The following PCDHGC3 variants were observed in gnomAD, a reference collection of about 807,000 sequenced individuals.
PCDHGC3 encodes protocadherin gamma-C3.
PCDHGC3 carries 26 observed loss-of-function variants against 59.2 expected under a neutral mutation model. The ratio of observed to expected loss-of-function variants is 0.44; its 90% CI spans 0.32 to 0.61. PCDHGC3 has a LOEUF of 0.61. Ranked by LOEUF, PCDHGC3 falls within the 20% of genes least tolerant of loss-of-function variation. PCDHGC3 has a pLI of 0.05. For synonymous variants in PCDHGC3, 487 were observed against 519.7 expected (o/e 0.94, Z 0.86); for missense variants, 1,080 against 1,221.8 (o/e 0.88, Z 1.73).
intron 2 of PCDHGC3, among the ~76,000 whole-genome samples, chr5:141,495,663 G>T (rs756466649): frequency 6.6e-6 from 1 of 152,050 alleles, no homozygotes; most frequent in African/African-American, 2.4e-5. Context: ...GATCTGTGCC[G>T]CCCACTGTGC....
In PCDHGC3 at chr5:141,489,126, T is replaced by C; in HGVS notation, c.2431-5681T>C. ...TGCAAGCAGGCAAACCTCCGAGCAG[T>C]TTTTAAGAGGCTGGAAGGAGACATA... On this transcript the variant is annotated intron_variant, in intron 1 of 3. Coordinates refer to ENST00000308177, the MANE Select transcript of PCDHGC3 (RefSeq NM_002588.4). This position sits in a 1 kb window ranked among gnomAD's most constrained non-coding sequence, Gnocchi z 4.5. 1.7e-6 allele frequency: 1 copy of C among 585,136 alleles called. No individual in the cohort carries two copies. Among genetic ancestry groups the C allele is most frequent in the South Asian group, 3.2e-5 (1 of 31,406 alleles). The allele number at this position is 585,136 out of a possible 1,614,324, so 36.2% of individuals were successfully genotyped here. A position where few individuals can be genotyped will look rare whatever the true frequency, so the allele number is the denominator to read the frequency against.
intron 2 of PCDHGC3, among the ~76,000 whole-genome samples, chr5:141,502,296 G>A (rs758304596): frequency 7.9e-5 from 12 of 151,130 alleles, no homozygotes; most frequent in Non-Finnish European, 1.2e-4. Context: ...TGGTTGTCAC[G>A]TCTTTCCTCT....
In PCDHGC3 at chr5:141,511,086, G is replaced by A. The variant is rs2099883600; in HGVS notation, c.2718G>A (p.Leu906=). The A allele has an allele frequency of 1.2e-6, 2 of 1,614,062 alleles. No individual in the cohort carries two copies. The highest frequency in any genetic ancestry group is 2.2e-5 in the East Asian group (1 of 44,886). The change falls in exon 4 of 4, where the codon CTG becomes CTA. Residue 906 remains leucine (L), a synonymous_variant. Transcript: ENST00000308177. ...ACATCCCAGGCAGCAATGCCACACT[G>A]ACCAACGCAGCTGGCAAGCGGGATG... is the stretch of plus-strand genomic sequence containing the variant. The part of the protein sequence containing the change: ...NVYIPGSNAT[L]TNAAGKRDGK...
Position 141,491,190 on chromosome 5 carries a change from C to A in PCDHGC3, c.2431-3617C>A, listed in dbSNP as rs759736855. On this transcript the variant is annotated intron_variant, in intron 1 of 3. Transcript: ENST00000308177. The surrounding 1 kb of genome is among the most constrained non-coding windows in gnomAD (Gnocchi z 6.9). ...AGCAGGTGGTGGTCCTGGTGAGGGA[C>A]AATGGTGACCCTTCACTCTCCTCCA... 1 of 1,614,192 alleles carries A rather than the reference C, an allele frequency of 6.2e-7. No homozygotes were observed. The highest frequency in any genetic ancestry group is 1.1e-5 in the South Asian group (1 of 91,082).
Position 141,477,584 on chromosome 5 carries a change from G to A in PCDHGC3, c.1468G>A (p.Ala490Thr). 5 of 1,614,148 alleles carry A rather than the reference G, an allele frequency of 3.1e-6. No homozygotes were observed. Among genetic ancestry groups the A allele is most frequent in the Non-Finnish European group, 4.2e-6 (5 of 1,180,032 alleles). The change falls in exon 1 of 4, where the codon GCT becomes ACT. Residue 490 changes from alanine (A) to threonine (T), a missense_variant. Coordinates refer to ENST00000308177, the MANE Select transcript of PCDHGC3 (RefSeq NM_002588.4). This position sits in a 1 kb window ranked among gnomAD's most constrained non-coding sequence, Gnocchi z 4.9. ...SVWDPDAPQNARLSFFLLEQG... is the reference protein window; with the variant it reads ...SVWDPDAPQNTRLSFFLLEQG... ...CTGGGACCCCGACGCCCCGCAGAAT[G>A]CTCGGCTTTCTTTCTTTCTCTTGGA...
chr5:141,487,438 G>A lies in PCDHGC3; in HGVS notation c.2431-7369G>A, dbSNP rs2154580826. 6 of 1,614,174 alleles carry A rather than the reference G, an allele frequency of 3.7e-6. No individual in the cohort carries two copies. Among genetic ancestry groups the A allele is most frequent in the East Asian group, 2.2e-5 (1 of 44,866 alleles). On this transcript the variant is annotated intron_variant, in intron 1 of 3. Transcript: ENST00000308177. This position sits in a 1 kb window ranked among gnomAD's most constrained non-coding sequence, Gnocchi z 5.0. The stretch of plus-strand genomic sequence containing the variant: ...ATGGGATCCTCCGAATCCAGCTAGG[G>A]TCAGATGACCCTATCAAGTTTGTTG...
chr5:141,496,377 G>A (rs1413938730), intron 2 of PCDHGC3, among the ~76,000 whole-genome samples: 1 of 152,114 alleles, frequency 6.6e-6, no homozygotes, highest in Non-Finnish European at 1.5e-5. Flanking sequence ...CAGGAGCTTG[G>A]GCCACCTTAC....
intron 1 of PCDHGC3, among the ~76,000 whole-genome samples, chr5:141,492,782 C>T (rs2099743868): frequency 6.6e-6 from 1 of 152,258 alleles, no homozygotes; most frequent in Non-Finnish European, 1.5e-5. Context: ...GAGTGAGCCT[C>T]TATAGGACAG....
rs372168887 is a variant in PCDHGC3, at chr5:141,477,322, C to T, written c.1206C>T (p.Ser402=). The change falls in exon 1 of 4, where the codon TCC becomes TCT. Residue 402 remains serine, a synonymous_variant. Transcript: ENST00000308177. The surrounding 1 kb of genome is among the most constrained non-coding windows in gnomAD (Gnocchi z 4.9). The stretch of plus-strand genomic sequence containing the variant: ...GTCTCCCTTTCAGCCTTACTTCTTC[C>T]CTCAAGAATTACTTCACTTTGAAAA... ...PPGLPFSLTS[S]LKNYFTLKTS... 17 of 1,614,050 alleles carry T rather than the reference C, an allele frequency of 1.1e-5. No homozygotes were observed. In the African/African-American group the frequency reaches 1.5e-4, roughly 14 times the overall value.
intron 2 of PCDHGC3, among the ~76,000 whole-genome samples, chr5:141,502,170 G>A (rs1165631931): frequency 6.6e-6 from 1 of 152,128 alleles, no homozygotes; most frequent in Admixed American, 6.5e-5. Context: ...TTCAGTTGAG[G>A]AATTTAACAT....
At position 141,477,112 on chromosome 5, in the gene PCDHGC3, A is replaced by C. The variant is rs745449028; in HGVS notation, c.996A>C (p.Glu332Asp). The C allele has an allele frequency of 2.5e-6, 4 of 1,614,262 alleles. No homozygotes were observed. The South Asian group carries it at 4.4e-5, about 18-fold the overall frequency. Reference sequence around the variant, plus strand: ...CCAAAGACAAGGGCGCCAATCCCGAAGGAGCACATTGCAAAGTGTTGGTGG... The same window carrying C: ...CCAAAGACAAGGGCGCCAATCCCGACGGAGCACATTGCAAAGTGTTGGTGG... ...IQAKDKGANP[E>D]GAHCKVLVEV... is the part of the protein sequence containing the mutation. The change falls in exon 1 of 4, where the codon GAA becomes GAC. Residue 332 changes from glutamate to aspartate, a missense_variant. Glu to Asp is a conservative substitution (Grantham distance 45). Transcript: ENST00000308177. This position sits in a 1 kb window ranked among gnomAD's most constrained non-coding sequence, Gnocchi z 4.9.
At position 141,491,752 on chromosome 5, in the gene PCDHGC3, G is replaced by C. The variant is rs1464731659; in HGVS notation, c.2431-3055G>C. 6 of 1,586,646 alleles carry C rather than the reference G, an allele frequency of 3.8e-6. No homozygotes were observed. The African/African-American group carries it at 8.1e-5, about 21-fold the overall frequency. On this transcript the variant is annotated intron_variant, in intron 1 of 3. Transcript: ENST00000308177. The surrounding 1 kb of genome is among the most constrained non-coding windows in gnomAD (Gnocchi z 6.9). ...GACCCCTGGGGGCGGCACTGGAGAA[G>C]CCGCCCGTCCTCATAAGGGATTGAA...
In PCDHGC3 at chr5:141,476,628, C is replaced by T. The variant is rs899753438; in HGVS notation, c.512C>T (p.Thr171Ile). 6.2e-6 allele frequency: 10 copies of T among 1,614,160 alleles called. No individual in the cohort carries two copies. The highest frequency in any genetic ancestry group is 7.6e-6 in the Non-Finnish European group (9 of 1,180,068). The change falls in exon 1 of 4, where the codon ACC becomes ATC. Residue 171 changes from threonine to isoleucine, a missense_variant. Coordinates refer to ENST00000308177, the MANE Select transcript of PCDHGC3 (RefSeq NM_002588.4). The surrounding 1 kb of genome is among the most constrained non-coding windows in gnomAD (Gnocchi z 7.6). ...DPDVGSNSLQ[T>I]YELSRNEYFA... is the part of the protein sequence containing the mutation. ...GATGTGGGAAGCAACTCTTTACAAACCTATGAGCTGAGCCGAAATGAATAC... is the reference window on the plus strand; with the variant it reads ...GATGTGGGAAGCAACTCTTTACAAATCTATGAGCTGAGCCGAAATGAATAC...
chr5:141,490,576 G>T lies in PCDHGC3; in HGVS notation c.2431-4231G>T. On this transcript the variant is annotated intron_variant, in intron 1 of 3. Transcript: ENST00000308177. The surrounding 1 kb of genome is among the most constrained non-coding windows in gnomAD (Gnocchi z 5.4). ...TCTCACCATCAGGCTCAACATTTCA[G>T]ATGTCAATGACAATGCACCCCGCTT... 2.5e-6 allele frequency: 4 copies of T among 1,614,134 alleles called. No homozygotes were observed. The highest frequency in any genetic ancestry group is 3.4e-6 in the Non-Finnish European group (4 of 1,180,030).
At chr5:141,505,353 G>A (rs376781305) in intron 2 of PCDHGC3, 40 bp from the exon 3 acceptor site, 51 of 1,613,426 alleles carry the variant, frequency 3.2e-5, no homozygotes, top group East Asian at 2.7e-4. Flanking sequence ...GAGCTGTGCC[G>A]GCCTGGGAGT....
In PCDHGC3 at chr5:141,476,132, T is replaced by C. The variant is rs751708569; in HGVS notation, c.16T>C (p.Trp6Arg). 2 of 1,607,820 alleles carry C rather than the reference T, an allele frequency of 1.2e-6. No homozygotes were observed. The highest frequency in any genetic ancestry group is 1.1e-5 in the South Asian group (1 of 90,582). The change falls in exon 1 of 4, where the codon TGG (tryptophan) becomes CGG (arginine). Residue 6 changes from tryptophan to arginine, a missense_variant. Coordinates refer to ENST00000308177, the MANE Select transcript of PCDHGC3 (RefSeq NM_002588.4). The surrounding 1 kb of genome is among the most constrained non-coding windows in gnomAD (Gnocchi z 7.6). The part of the protein sequence containing the change: MVPEA[W>R]RSGLVSTGRV... ...TTTGAGTGAGATGGTCCCAGAGGCC[T>C]GGAGGAGCGGACTGGTAAGCACCGG...
At position 141,476,453 on chromosome 5, in the gene PCDHGC3, G is replaced by A. The variant is rs1432113874; in HGVS notation, c.337G>A (p.Glu113Lys). 3 of 1,614,138 alleles carry A rather than the reference G, an allele frequency of 1.9e-6. No individual in the cohort carries two copies. The East Asian group carries it at 6.7e-5, about 36-fold the overall frequency. ...CACTGTAACTCTGGAGTTGGTAGTG[G>A]AGAACCCGCTGGAGCTGTTCAGCGT... ...SCTVTLELVV[E>K]NPLELFSVEV... The change falls in exon 1 of 4, where the codon GAG (glutamate) becomes AAG (lysine). Residue 113 changes from glutamate (E) to lysine (K), a missense_variant. Physicochemically the swap from Glu to Lys is moderately conservative, Grantham distance 56. Transcript: ENST00000308177. The surrounding 1 kb of genome is among the most constrained non-coding windows in gnomAD (Gnocchi z 7.6).
rs144613597 is a variant in PCDHGC3, at chr5:141,483,029, G to A, written c.2430+4483G>A. 3.9e-3 allele frequency among the ~76,000 whole-genome samples: 588 copies of A among 152,220 alleles called. 6 individuals are homozygous for A. Among genetic ancestry groups the A allele is most frequent in the Admixed American group, 0.011 (169 of 15,280 alleles). ...GAACCCGGGAGGCAGAGGTTGCAAT[G>A]AGCTGGTGTCAGGCCACTGCACTCC... On this transcript the variant is annotated intron_variant, in intron 1 of 3. Transcript: ENST00000308177.
At chr5:141,498,947 AAAAG>A (rs1475471777) in intron 2 of PCDHGC3, among the ~76,000 whole-genome samples, 1 of 145,446 alleles carries the variant, frequency 6.9e-6, no homozygotes, top group African/African-American at 2.6e-5. Context: ...GAAAGAAAGA[AAAAG>A]AGAGAGAGGG....
Sources: gnomAD v4.1 joint callset for allele counts (sites outside exome capture counted in the v4.1 genomes callset) on GRCh38, gnomAD v4.1.1 for gene constraint, Gnocchi (gnomAD v3.1) non-coding constraint, MANE v1.5 for transcripts, NCBI Gene and HGNC (gene_info 2026-07-23, HGNC 2026-07-21) for gene names.